Variants in NDP observed in about 807,000 individuals in gnomAD.
NDP encodes norrin cystine knot growth factor NDP, also known as norrin.
In NDP, 2 loss-of-function variants were observed where a neutral mutation model predicts 8.4. The observed-to-expected ratio is 0.24, with a 90% CI of 0.10 to 0.75. NDP has a LOEUF of 0.75. Among genes scored for constraint, NDP ranks in the 30% least tolerant of loss-of-function variants. NDP has a pLI of 0.73. For missense variants in NDP, 81 were observed against 110.1 expected (o/e 0.74, Z 1.18); for synonymous variants, 55 against 45.6 (o/e 1.21, Z -0.83).
At chrX:43,955,634 T>C (rs926215991) in intron 2 of NDP, among the ~76,000 whole-genome samples, 5 of 112,513 alleles carry the variant, frequency 4.4e-5, no homozygotes, top group African/African-American at 1.6e-4. Flanking sequence ...AACCTGCTAC[T>C]CCCAGGATCT....
rs902736970 is a variant in NDP, at chrX:43,949,343, C to A, written c.*456G>T. On this transcript the variant is annotated 3_prime_UTR_variant, in exon 3 of 3. Coordinates refer to ENST00000642620, the MANE Select transcript of NDP (RefSeq NM_000266.4). ...CGGTAACCTTTAGCAGCAATGGCAA[C>A]CTTAGACCAAAATGACAAGGTAAAA... 3.7e-5 allele frequency: 6 copies of A among 160,291 alleles called. No individual in the cohort carries two copies. The highest frequency in any genetic ancestry group is 1.3e-4 in the African/African-American group (4 of 31,912). 13.2% of individuals were successfully genotyped at this position (160,291 alleles called of 1,213,427 possible). A position where few individuals can be genotyped will look rare whatever the true frequency, so the allele number is the denominator to read the frequency against.
chrX:43,965,201 G>C (rs781463435), intron 1 of NDP, among the ~76,000 whole-genome samples: 1 of 111,563 alleles, frequency 9.0e-6, no homozygotes, highest in African/African-American at 3.3e-5. Context: ...GATCACTTAA[G>C]CCCAGGAGTT....
rs1023374531 is a variant in NDP at position 43,955,859 on chromosome X, C to G, written c.174+2613G>C. 4.2e-5 allele frequency among the ~76,000 whole-genome samples: 4 copies of G among 96,137 alleles called. No individual in the cohort carries two copies. In the South Asian group the frequency reaches 1.5e-3, roughly 35 times the overall value. 83.5% of individuals were successfully genotyped at this position (96,137 alleles called of 115,157 possible). A position where few individuals can be genotyped will look rare whatever the true frequency, so the allele number is the denominator to read the frequency against. On this transcript the variant is annotated intron_variant, in intron 2 of 2. Transcript: ENST00000642620. ...GGATGAACAGTCTCATTGAAAGCTC[C>G]CAGAAAGGCTTTCACTATTATTTAT... is the stretch of plus-strand genomic sequence containing the variant.
intron 1 of NDP, among the ~76,000 whole-genome samples, chrX:43,963,634 A>G (rs893087803): frequency 3.6e-5 from 4 of 112,094 alleles, no homozygotes; most frequent in African/African-American, 1.3e-4. Flanking sequence ...ATAAAACTTC[A>G]TACAGTACTA....
At chrX:43,961,296 C>T (rs749010774) in intron 1 of NDP, among the ~76,000 whole-genome samples, 17 of 112,361 alleles carry the variant, frequency 1.5e-4, no homozygotes, top group African/African-American at 4.8e-4. Flanking sequence ...TAATTTAGAC[C>T]CAGCAATTCC....
rs2035748227 is a variant in NDP, at chrX:43,949,569, A to G, written c.*230T>C. The G allele has an allele frequency of 2.4e-6, 1 of 423,029 alleles. No homozygotes were observed. Among genetic ancestry groups the G allele is most frequent in the Non-Finnish European group, 4.1e-6 (1 of 242,436 alleles). The allele number at this position is 423,029 out of a possible 1,213,427, so 34.9% of individuals were successfully genotyped here. A position where few individuals can be genotyped will look rare whatever the true frequency, so the allele number is the denominator to read the frequency against. ...AGGGGGAAAATGCCTGAATCTGAAAATGAACCAAAAGAAATTGTACCAGAG... is the reference window on the plus strand; with the variant it reads ...AGGGGGAAAATGCCTGAATCTGAAAGTGAACCAAAAGAAATTGTACCAGAG... On this transcript the variant is annotated 3_prime_UTR_variant, in exon 3 of 3. Transcript: ENST00000642620.
At chrX:43,968,957 C>A (rs984443237) in intron 1 of NDP, among the ~76,000 whole-genome samples, 1 of 111,472 alleles carries the variant, frequency 9.0e-6, no homozygotes. Flanking sequence ...GACCAAAGCC[C>A]CCAGAAAAAG....
At chrX:43,972,607 G>A (rs5906325) in intron 1 of NDP, among the ~76,000 whole-genome samples, 36,535 of 109,882 alleles carry the variant, frequency 0.33, 4,755 homozygotes, top group African/African-American at 0.45. Context: ...CAAACAGCAT[G>A]CATTTCCTCG....
At chrX:43,965,426 CA>C (rs1467606853) in intron 1 of NDP, among the ~76,000 whole-genome samples, 1 of 110,519 alleles carries the variant, frequency 9.0e-6, no homozygotes, top group Non-Finnish European at 1.9e-5. Flanking sequence ...CTCAAAAAAA[CA>C]AAAGTTAACA....
chrX:43,968,984 C>T (rs2035874398), intron 1 of NDP, among the ~76,000 whole-genome samples: 1 of 111,629 alleles, frequency 9.0e-6, no homozygotes, highest in Admixed American at 9.5e-5. Context: ...AATAGGAAGC[C>T]GCCTGGTGGC....
At chrX:43,967,882 T>C (rs1319818301) in intron 1 of NDP, among the ~76,000 whole-genome samples, 1 of 111,338 alleles carries the variant, frequency 9.0e-6, no homozygotes, top group Non-Finnish European at 1.9e-5. Context: ...AAAGAAAAAG[T>C]TGGGATTGAT....
At chrX:43,952,093 G>A (rs768871679) in intron 2 of NDP, among the ~76,000 whole-genome samples, 2 of 111,949 alleles carry the variant, frequency 1.8e-5, no homozygotes, top group South Asian at 7.5e-4. Context: ...CTGAGCTCAA[G>A]GGATCCTCCT....
intron 1 of NDP, among the ~76,000 whole-genome samples, chrX:43,963,898 C>G (rs182986523): frequency 4.4e-5 from 5 of 112,912 alleles, no homozygotes; most frequent in African/African-American, 1.6e-4. Flanking sequence ...AGCCAAGGAG[C>G]CAAGCCTGGG....
chrX:43,959,213 C>T (rs1377840714), intron 1 of NDP, among the ~76,000 whole-genome samples: 3 of 111,120 alleles, frequency 2.7e-5, no homozygotes, highest in Non-Finnish European at 5.7e-5. Flanking sequence ...TTGGTCGGGG[C>T]GGGAGGGTCT....
At chrX:43,968,914 C>CCTT (rs2035873999) in intron 1 of NDP, among the ~76,000 whole-genome samples, 2 of 111,598 alleles carry the variant, frequency 1.8e-5, no homozygotes, top group South Asian at 7.6e-4. Context: ...CCTTTTGGGT[C>CCTT]CTTTAATGAA....
chrX:43,971,363 C>A (rs1399700519), intron 1 of NDP, among the ~76,000 whole-genome samples: 1 of 111,705 alleles, frequency 9.0e-6, no homozygotes, highest in African/African-American at 3.3e-5. Context: ...AGAAACTCAC[C>A]ACATTTTTCA....
chrX:43,950,941 A>G (rs975522117), intron 2 of NDP, among the ~76,000 whole-genome samples: 5 of 111,694 alleles, frequency 4.5e-5, no homozygotes, highest in Non-Finnish European at 1.9e-5. Flanking sequence ...TGTATCCCAT[A>G]CAAAACTCCT....
At chrX:43,968,648 A>C (rs1315691876) in intron 1 of NDP, among the ~76,000 whole-genome samples, 1 of 112,541 alleles carries the variant, frequency 8.9e-6, no homozygotes, top group Non-Finnish European at 1.9e-5. Context: ...AATGCTCTTA[A>C]TGTCCTCCCA....
chrX:43,962,396 C>G (rs1487360671), intron 1 of NDP, among the ~76,000 whole-genome samples: 1 of 109,564 alleles, frequency 9.1e-6, no homozygotes, highest in East Asian at 2.9e-4. Context: ...TTGTGTTGCT[C>G]AGGGTGTGCA....
Sources: allele counts gnomAD v4.1 joint callset (sites outside exome capture counted in the v4.1 genomes callset), GRCh38; gene constraint gnomAD v4.1.1; transcripts MANE v1.5; gene names NCBI Gene and HGNC (gene_info 2026-07-23, HGNC 2026-07-21).